The following ZNF749 variants were observed in gnomAD, a reference collection of about 807,000 sequenced individuals.
ZNF749 encodes zinc finger protein 749.
In ZNF749, 8 loss-of-function variants were observed where a neutral mutation model predicts 7.3. That is an observed-to-expected ratio of 1.10 (90% CI 0.64 to 1.98). ZNF749 has a LOEUF of 1.98. ZNF749 is among the 30% of genes most tolerant of loss of function. ZNF749 has a pLI of 0.00. For missense variants in ZNF749, 898 were observed against 932.4 expected (o/e 0.96, Z 0.48); for synonymous variants, 310 against 322.4 (o/e 0.96, Z 0.41).
At chr19:57,434,097 T>C (rs543600558), upstream of ZNF749, among the ~76,000 whole-genome samples, 1 of 152,232 alleles carries the variant, frequency 6.6e-6, no homozygotes, top group African/African-American at 2.4e-5. Context: ...TCACAACCCC[T>C]TGTCTTTTTT....
Position 57,445,284 on chromosome 19 carries a change from T to C in ZNF749, c.2136T>C (p.Ile712=). The C allele has an allele frequency of 6.2e-7, 1 of 1,614,002 alleles. No individual in the cohort carries two copies. Among genetic ancestry groups the C allele is most frequent in the Non-Finnish European group, 8.5e-7 (1 of 1,179,892 alleles). ...TGTTTAGGACTAAATCGAGCCTTATTATACATCAGCAGTCTCACACTGGAG... is the reference window on the plus strand; with the variant it reads ...TGTTTAGGACTAAATCGAGCCTTATCATACATCAGCAGTCTCACACTGGAG... The part of the protein sequence containing the change: ...RELFRTKSSL[I]IHQQSHTGES... Residue 712 remains isoleucine (I), a synonymous_variant, in exon 3 of 3, where the codon ATT becomes ATC. Coordinates refer to ENST00000334181, the MANE Select transcript of ZNF749 (RefSeq NM_001023561.4).
In ZNF749 at chr19:57,439,746, GACAA is replaced by G. The variant is rs1376550820; in HGVS notation, c.16-2133_16-2130del. 6.6e-6 allele frequency among the ~76,000 whole-genome samples: 1 copy of G among 151,918 alleles called. No individual in the cohort carries two copies. The highest frequency in any genetic ancestry group is 1.9e-4 in the East Asian group (1 of 5,192). On this transcript the variant is annotated intron_variant, in intron 1 of 2. Transcript: ENST00000334181. The surrounding 1 kb of genome is among the most constrained non-coding windows in gnomAD (Gnocchi z 4.3). ...CACTCCAGCCTGGGCAACAGAGTAA[GACAA>G]ACAAAAACAAAAATCCAAGCCAAAA...
chr19:57,438,295 C>A, intron 1 of ZNF749: 1 of 374,838 alleles, frequency 2.7e-6, no homozygotes, highest in Non-Finnish European at 4.7e-6. Context: ...AGCCTGTTAA[C>A]AATAATGTGA....
Position 57,439,565 on chromosome 19 carries a change from C to G in ZNF749, c.16-2320C>G, listed in dbSNP as rs1047746852. ...AGGTGGGAAGATTGCTTGAGGCCAG[C>G]CTGGGCAACATAGGGAGACTCTGTC... On this transcript the variant is annotated intron_variant, in intron 1 of 2. Transcript: ENST00000334181. This position sits in a 1 kb window ranked among gnomAD's most constrained non-coding sequence, Gnocchi z 4.3. 1.3e-5 allele frequency among the ~76,000 whole-genome samples: 2 copies of G among 151,750 alleles called. No individual in the cohort carries two copies. The highest frequency in any genetic ancestry group is 1.3e-4 in the Admixed American group (2 of 15,210).
upstream of ZNF749, among the ~76,000 whole-genome samples, chr19:57,430,504 A>G (rs2123082759): frequency 6.6e-6 from 1 of 152,332 alleles, no homozygotes; most frequent in South Asian, 2.1e-4. Flanking sequence ...TCTGGGTCAT[A>G]TGCATATGAA....
rs2123097043 is a variant in ZNF749, at chr19:57,439,596, A to G, written c.16-2289A>G. ...CAACATAGGGAGACTCTGTCCCTAC[A>G]AATAATAATAAATAGCTGGGTGTGG... On this transcript the variant is annotated intron_variant, in intron 1 of 2. Transcript: ENST00000334181. The surrounding 1 kb of genome is among the most constrained non-coding windows in gnomAD (Gnocchi z 4.3). Among the ~76,000 whole-genome samples, 1 of 152,068 alleles carries G rather than the reference A, an allele frequency of 6.6e-6. No homozygotes were observed. The highest frequency in any genetic ancestry group is 1.9e-4 in the East Asian group (1 of 5,152).
Position 57,442,156 on chromosome 19 carries a change from C to T in ZNF749, c.142+145C>T. The T allele has an allele frequency of 9.3e-7, 1 of 1,078,924 alleles. No homozygotes were observed. The highest frequency in any genetic ancestry group is 1.3e-6 in the Non-Finnish European group (1 of 749,108). The allele number at this position is 1,078,924 out of a possible 1,614,324, so 66.8% of individuals were successfully genotyped here. A position where few individuals can be genotyped will look rare whatever the true frequency, so the allele number is the denominator to read the frequency against. ...TTCCTGGCAAATGTGATAAGGCAGC[C>T]AGAGCTGGGCTGTGTATACTGTACC... On this transcript the variant is annotated intron_variant, in intron 2 of 2. Transcript: ENST00000334181. The surrounding 1 kb of genome is among the most constrained non-coding windows in gnomAD (Gnocchi z 6.6).
chr19:57,442,071 C>T lies in ZNF749; in HGVS notation c.142+60C>T. ...TGGGTGCTGTTTTTTTGCTCTTTTC[C>T]ATGACAACTCTGTCTTTCCCACACC... On this transcript the variant is annotated intron_variant, in intron 2 of 2. Coordinates refer to ENST00000334181, the MANE Select transcript of ZNF749 (RefSeq NM_001023561.4). This position sits in a 1 kb window ranked among gnomAD's most constrained non-coding sequence, Gnocchi z 6.6. 1 of 1,586,946 alleles carries T rather than the reference C, an allele frequency of 6.3e-7. No homozygotes were observed. The highest frequency in any genetic ancestry group is 1.1e-5 in the South Asian group (1 of 87,198).
Position 57,439,481 on chromosome 19 carries a change from A to G in ZNF749, c.16-2404A>G, listed in dbSNP as rs915828621. Among the ~76,000 whole-genome samples, 2 of 152,170 alleles carry G rather than the reference A, an allele frequency of 1.3e-5. No homozygotes were observed. Among genetic ancestry groups the G allele is most frequent in the Admixed American group, 6.5e-5 (1 of 15,272 alleles). ...GAACCAAGTTTTGGCCAAGTCAAAA[A>G]TGTTCCAGTGGCCAGGCATGGTGGA... On this transcript the variant is annotated intron_variant, in intron 1 of 2. Coordinates refer to ENST00000334181, the MANE Select transcript of ZNF749 (RefSeq NM_001023561.4). This position sits in a 1 kb window ranked among gnomAD's most constrained non-coding sequence, Gnocchi z 4.3.
intron 1 of ZNF749, among the ~76,000 whole-genome samples, chr19:57,440,755 C>T (rs1023304140): frequency 2.0e-5 from 3 of 151,922 alleles, no homozygotes; most frequent in East Asian, 1.9e-4. Flanking sequence ...GCAATGGGCA[C>T]GTAAGGGAGA....
At chr19:57,441,115 CAAAAAAAAA>C (rs35321744) in intron 1 of ZNF749, among the ~76,000 whole-genome samples, 2 of 71,274 alleles carry the variant, frequency 2.8e-5, no homozygotes, top group African/African-American at 6.2e-5. Flanking sequence ...ACTCTTGTCT[CAAAAAAAAA>C]AAAAAAAAAA....
At chr19:57,437,242 G>T (rs1368355232) in intron 1 of ZNF749, among the ~76,000 whole-genome samples, 4 of 151,752 alleles carry the variant, frequency 2.6e-5, no homozygotes, top group Non-Finnish European at 4.4e-5. Context: ...TTTTGTGTAG[G>T]TCAGACAGGT....
At chr19:57,432,527 A>C (rs1215227111), upstream of ZNF749, among the ~76,000 whole-genome samples, 1 of 143,854 alleles carries the variant, frequency 7.0e-6, no homozygotes, top group East Asian at 2.1e-4. Flanking sequence ...CTGCCATTGC[A>C]CTGCAGCCTG....
At position 57,444,414 on chromosome 19, in the gene ZNF749, A is replaced by C. The variant is rs1353674844; in HGVS notation, c.1266A>C (p.Lys422Asn). The change falls in exon 3 of 3, where the codon AAA becomes AAC. Residue 422 changes from lysine to asparagine, a missense_variant. Lys to Asn is a moderately conservative substitution (Grantham distance 94). Transcript: ENST00000334181. ...CSECGKAFSL[K>N]HNVVQHLKIH... ...AATGTGGGAAAGCCTTTAGCCTCAA[A>C]CATAATGTTGTTCAGCATCTGAAAA... The C allele has an allele frequency of 3.7e-6, 6 of 1,613,880 alleles. No individual in the cohort carries two copies. The highest frequency in any genetic ancestry group is 5.1e-6 in the Non-Finnish European group (6 of 1,179,916).
chr19:57,445,029 G>A lies in ZNF749; in HGVS notation c.1881G>A (p.Leu627=). The part of the protein sequence containing the change: ...CGKFFRYRCT[L]SRHQKVHTGE... ...AATTCTTTAGATATCGCTGTACACT[G>A]AGTAGACATCAGAAAGTTCACACTG... Residue 627 remains leucine (L), a synonymous_variant, in exon 3 of 3, where the codon CTG becomes CTA. Transcript: ENST00000334181. 2 of 1,614,050 alleles carry A rather than the reference G, an allele frequency of 1.2e-6. No homozygotes were observed. The highest frequency in any genetic ancestry group is 4.5e-5 in the East Asian group (2 of 44,868).
intron 1 of ZNF749, chr19:57,438,165 A>G (rs2088953774): frequency 2.5e-6 from 1 of 398,848 alleles, no homozygotes; most frequent in Admixed American, 4.4e-5. Context: ...GTAAACAGCA[A>G]ACTGTTTCTC....
intron 1 of ZNF749, among the ~76,000 whole-genome samples, chr19:57,440,861 C>G (rs1401108203): frequency 2.0e-5 from 3 of 152,006 alleles, no homozygotes; most frequent in African/African-American, 7.3e-5. Flanking sequence ...GGCGCAGTGG[C>G]TCATGTCTGT....
Position 57,443,799 on chromosome 19 carries a change from C to T in ZNF749, c.651C>T (p.Thr217=). 1 of 1,614,130 alleles carries T rather than the reference C, an allele frequency of 6.2e-7. No homozygotes were observed. The highest frequency in any genetic ancestry group is 2.2e-5 in the East Asian group (1 of 44,886). ...HQHGLFEHQK[T]HNGERPYEFS... is the part of the protein sequence containing the mutation. The stretch of plus-strand genomic sequence containing the variant: ...ATGGGCTGTTTGAGCACCAAAAAAC[C>T]CATAATGGGGAGAGGCCTTATGAGT... Residue 217 remains threonine (T), a synonymous_variant, in exon 3 of 3, where the codon ACC becomes ACT. Transcript: ENST00000334181.
rs2089002632 is a variant in ZNF749 at position 57,442,539 on chromosome 19, C to T, written c.142+528C>T. ...TGTCCCCTCCCTTTCCCTGCCTTTC[C>T]CGTAGCTGGACTTATGCCGCAGCTA... On this transcript the variant is annotated intron_variant, in intron 2 of 2. Coordinates refer to ENST00000334181, the MANE Select transcript of ZNF749 (RefSeq NM_001023561.4). This position sits in a 1 kb window ranked among gnomAD's most constrained non-coding sequence, Gnocchi z 6.6. Among the ~76,000 whole-genome samples the T allele has an allele frequency of 6.6e-6, 1 of 152,134 alleles. No individual in the cohort carries two copies. Among genetic ancestry groups the T allele is most frequent in the African/African-American group, 2.4e-5 (1 of 41,416 alleles).
Sources: allele counts gnomAD v4.1 joint callset (sites outside exome capture counted in the v4.1 genomes callset), GRCh38; gene constraint gnomAD v4.1.1; non-coding constraint Gnocchi (gnomAD v3.1); transcripts MANE v1.5; gene names NCBI Gene and HGNC (gene_info 2026-07-23, HGNC 2026-07-21).